MAD1L1: variants seen among roughly 807,000 people sequenced by gnomAD.
The protein encoded by MAD1L1 is mitotic spindle assembly checkpoint protein MAD1.
Under a neutral mutation model 96.9 loss-of-function variants are expected in MAD1L1, and 95 were observed. The ratio of observed to expected loss-of-function variants is 0.98; its 90% CI spans 0.83 to 1.16. The LOEUF is 1.16. MAD1L1 is among the 50% of genes most tolerant of loss of function. The pLI is 0.00. For synonymous variants in MAD1L1, 473 were observed against 396.6 expected (o/e 1.19, Z -2.29); for missense variants, 1,007 against 954.4 (o/e 1.06, Z -0.73).
At chr7:1,887,880 C>T (rs111581231) in intron 18 of MAD1L1, among the ~76,000 whole-genome samples, 20 of 116,432 alleles carry the variant, frequency 1.7e-4, no homozygotes, top group African/African-American at 3.3e-4. Flanking sequence ...TGCAAGCATG[C>T]GTGTGTGTGG....
rs1271876093 is a variant in MAD1L1, at chr7:2,103,730, T to C, written c.1074-34392A>G. Among the ~76,000 whole-genome samples, 1 of 152,130 alleles carries C rather than the reference T, an allele frequency of 6.6e-6. No homozygotes were observed. Among genetic ancestry groups the C allele is most frequent in the East Asian group, 1.9e-4 (1 of 5,184 alleles). On this transcript the variant is annotated intron_variant, in intron 11 of 18. Coordinates refer to ENST00000265854, the MANE Select transcript of MAD1L1 (RefSeq NM_001013836.2). The surrounding 1 kb of genome is among the most constrained non-coding windows in gnomAD (Gnocchi z 4.3). ...ACTCAGAGGGCAGGTGCTGTCCTCC[T>C]CCCTGCCCAGATCCCAGCAGTGTGG... is the stretch of plus-strand genomic sequence containing the variant.
intron 15 of MAD1L1, among the ~76,000 whole-genome samples, chr7:1,977,216 T>G (rs918521791): frequency 6.6e-6 from 1 of 152,120 alleles, no homozygotes; most frequent in Non-Finnish European, 1.5e-5. Flanking sequence ...TGGGGGTGGG[T>G]GTGGGCTCAG....
chr7:1,872,342 G>A (rs568942746), intron 18 of MAD1L1, among the ~76,000 whole-genome samples: 7 of 152,332 alleles, frequency 4.6e-5, no homozygotes, highest in South Asian at 2.1e-4. Flanking sequence ...TGAGCCCCAG[G>A]AAGTGAGGCC....
Position 2,142,547 on chromosome 7 carries a change from C to T in MAD1L1, c.1073+6605G>A, listed in dbSNP as rs1165865680. 3.9e-5 allele frequency among the ~76,000 whole-genome samples: 6 copies of T among 152,244 alleles called. No homozygotes were observed. The highest frequency in any genetic ancestry group is 6.5e-5 in the Admixed American group (1 of 15,292). ...GCGCCCCTAGCTGCCACTGAGCCCA[C>T]GGTGAAGGGCACGGTGCCACCCAGA... On this transcript the variant is annotated intron_variant, in intron 11 of 18. Coordinates refer to ENST00000265854, the MANE Select transcript of MAD1L1 (RefSeq NM_001013836.2). This position sits in a 1 kb window ranked among gnomAD's most constrained non-coding sequence, Gnocchi z 4.7.
At chr7:1,962,061 C>T (rs1360237966) in intron 15 of MAD1L1, among the ~76,000 whole-genome samples, 1 of 151,798 alleles carries the variant, frequency 6.6e-6, no homozygotes, top group Non-Finnish European at 1.5e-5. Context: ...ATACCGTTCT[C>T]ACGTGTTGTG....
intron 11 of MAD1L1, among the ~76,000 whole-genome samples, chr7:2,098,953 G>A (rs974089959): frequency 1.4e-5 from 2 of 144,176 alleles, no homozygotes; most frequent in Non-Finnish European, 3.1e-5. Flanking sequence ...AAGAGGGCAG[G>A]TGGGAATTCT....
At chr7:1,917,599 T>C (rs964541336) in intron 17 of MAD1L1, among the ~76,000 whole-genome samples, 1 of 152,216 alleles carries the variant, frequency 6.6e-6, no homozygotes, top group African/African-American at 2.4e-5. Context: ...GGTACTTGGC[T>C]TGAGTTACAA....
At chr7:2,161,678 G>A (rs1327944941) in intron 10 of MAD1L1, among the ~76,000 whole-genome samples, 2 of 150,902 alleles carry the variant, frequency 1.3e-5, no homozygotes, top group Admixed American at 6.6e-5. Context: ...CTGCCCGGCC[G>A]CCCATCGTCT....
At chr7:1,986,194 C>T (rs73275272) in intron 14 of MAD1L1, among the ~76,000 whole-genome samples, 2,806 of 152,302 alleles carry the variant, frequency 0.018, 97 homozygotes, top group African/African-American at 0.064. Flanking sequence ...TAGCTCCCTC[C>T]GGCAGGAGAG....
chr7:1,959,661 C>T (rs576233443), intron 15 of MAD1L1, among the ~76,000 whole-genome samples: 2 of 152,118 alleles, frequency 1.3e-5, no homozygotes, highest in African/African-American at 2.4e-5. Flanking sequence ...TCTGAAATAA[C>T]GAAAGAAATA....
At chr7:2,196,899 C>T (rs1420892751) in intron 10 of MAD1L1, among the ~76,000 whole-genome samples, 1 of 152,214 alleles carries the variant, frequency 6.6e-6, no homozygotes, top group Non-Finnish European at 1.5e-5. Context: ...CCCCACACTT[C>T]GGGGCTGCTG....
At chr7:1,897,140 CAGA>C (rs1026751664) in intron 18 of MAD1L1, among the ~76,000 whole-genome samples, 3 of 98,640 alleles carry the variant, frequency 3.0e-5, no homozygotes, top group Non-Finnish European at 5.9e-5. Flanking sequence ...GCGGGTTGTG[CAGA>C]AGGAGGAGGA....
chr7:2,090,224 C>CAGT (rs35596463), intron 11 of MAD1L1, among the ~76,000 whole-genome samples: 1 of 152,094 alleles, frequency 6.6e-6, no homozygotes, highest in African/African-American at 2.4e-5. Flanking sequence ...AAGGGTAGGC[C>CAGT]AGAAGACAAA....
At chr7:2,104,526 C>T (rs894881807) in intron 11 of MAD1L1, among the ~76,000 whole-genome samples, 6 of 152,254 alleles carry the variant, frequency 3.9e-5, no homozygotes, top group African/African-American at 1.4e-4. Context: ...CAGAGACAGG[C>T]TGGGCTCAAA....
At chr7:2,025,709 G>C (rs1201193613) in intron 12 of MAD1L1, among the ~76,000 whole-genome samples, 2 of 152,154 alleles carry the variant, frequency 1.3e-5, no homozygotes, top group Admixed American at 1.3e-4. Flanking sequence ...GTACTTTATA[G>C]CAATAGCCTA....
intron 12 of MAD1L1, among the ~76,000 whole-genome samples, chr7:2,042,577 G>A (rs1783735338): frequency 6.6e-6 from 1 of 152,218 alleles, no homozygotes; most frequent in Admixed American, 6.5e-5. Context: ...AGGTGGAGGT[G>A]GGGCCTGGTG....
At chr7:2,057,251 C>T (rs767547541) in intron 12 of MAD1L1, among the ~76,000 whole-genome samples, 7 of 152,200 alleles carry the variant, frequency 4.6e-5, no homozygotes, top group African/African-American at 1.2e-4. Flanking sequence ...AATGACCGAG[C>T]GCGGTGCCTC....
intron 10 of MAD1L1, among the ~76,000 whole-genome samples, chr7:2,181,603 G>A (rs138005524): frequency 4.6e-4 from 70 of 152,302 alleles, no homozygotes; most frequent in African/African-American, 1.6e-3. Context: ...ATGGAAACTA[G>A]TACAATCACT....
At chr7:1,891,576 CTT>C (rs1401398020) in intron 18 of MAD1L1, among the ~76,000 whole-genome samples, 1 of 151,894 alleles carries the variant, frequency 6.6e-6, no homozygotes, top group Non-Finnish European at 1.5e-5. Flanking sequence ...TTACAACAAA[CTT>C]TATTCTTATT....
Sources: allele counts gnomAD v4.1 joint callset (sites outside exome capture counted in the v4.1 genomes callset), GRCh38; gene constraint gnomAD v4.1.1; non-coding constraint Gnocchi (gnomAD v3.1); transcripts MANE v1.5; gene names NCBI Gene and HGNC (gene_info 2026-07-23, HGNC 2026-07-21).